The following NTN4 variants were observed in gnomAD, a reference collection of about 807,000 sequenced individuals.
NTN4 encodes netrin-4.
NTN4 carries 32 observed loss-of-function variants against 73.6 expected under a neutral mutation model. The observed-to-expected ratio is 0.44, with a 90% CI of 0.33 to 0.58. The LOEUF (loss-of-function observed/expected upper bound fraction) is 0.58, where lower values mean the gene tolerates loss of function less well. Ranked by LOEUF, NTN4 falls within the 20% of genes least tolerant of loss-of-function variation. The pLI is 0.04. For missense variants in NTN4, 654 were observed against 798.3 expected (o/e 0.82, Z 2.18); for synonymous variants, 258 against 287.5 (o/e 0.90, Z 1.04).
intron 3 of NTN4, among the ~76,000 whole-genome samples, chr12:95,730,727 G>C (rs2078731252): frequency 6.6e-6 from 1 of 152,172 alleles, no homozygotes. Context: ...AGTGCTAAGG[G>C]ACTACCAGCA....
intron 2 of NTN4, among the ~76,000 whole-genome samples, chr12:95,748,507 T>C (rs2078879332): frequency 6.9e-6 from 1 of 143,962 alleles, no homozygotes; most frequent in Non-Finnish European, 1.5e-5. Flanking sequence ...AGATGGAGTC[T>C]CGCTCTGTTG....
chr12:95,745,307 C>T (rs1430336361), intron 2 of NTN4, among the ~76,000 whole-genome samples: 1 of 152,116 alleles, frequency 6.6e-6, no homozygotes, highest in Non-Finnish European at 1.5e-5. Context: ...CTGAAGCTGT[C>T]CCAGAGCTCA....
chr12:95,766,334 G>C (rs10859937), intron 2 of NTN4, among the ~76,000 whole-genome samples: 83,778 of 151,904 alleles, frequency 0.55, 23,309 homozygotes, highest in Middle Eastern at 0.61. Context: ...AATCTATATT[G>C]ACAGTTAAAT....
At chr12:95,739,918 CA>C (rs1379245803) in intron 2 of NTN4, 1 of 152,294 alleles carries the variant, frequency 6.6e-6, no homozygotes, top group African/African-American at 2.4e-5. Context: ...TCCGCACAGG[CA>C]AAGCCAGAGG....
chr12:95,700,534 G>A (rs2078476784), intron 5 of NTN4, among the ~76,000 whole-genome samples: 1 of 152,144 alleles, frequency 6.6e-6, no homozygotes, highest in African/African-American at 2.4e-5. Context: ...GGTGAGAGAA[G>A]TGGGGCTGTG....
At chr12:95,670,619 C>G (rs1312213936) in intron 7 of NTN4, 1 of 152,476 alleles carries the variant, frequency 6.6e-6, no homozygotes, top group East Asian at 1.9e-4. Flanking sequence ...GTATGCAAGG[C>G]ATGGTGCTTC....
intron 9 of NTN4, 105 bp from the exon 10 acceptor site, chr12:95,659,327 GCT>G (rs2078118042): frequency 3.6e-6 from 3 of 837,508 alleles, no homozygotes; most frequent in Admixed American, 2.7e-5. Flanking sequence ...ACAAGGTCTT[GCT>G]CTGTTACCCA....
intron 5 of NTN4, among the ~76,000 whole-genome samples, chr12:95,705,670 T>C (rs916890668): frequency 6.6e-6 from 1 of 152,216 alleles, no homozygotes; most frequent in Non-Finnish European, 1.5e-5. Context: ...TCTTGCTGAC[T>C]GCCCCTCTGA....
intron 1 of NTN4, among the ~76,000 whole-genome samples, chr12:95,788,459 C>T (rs545302397): frequency 3.3e-5 from 5 of 152,088 alleles, no homozygotes; most frequent in South Asian, 2.1e-4. Context: ...CTTTGATTTG[C>T]GTTTGTCATT....
At chr12:95,709,049 G>C (rs892255849) in intron 5 of NTN4, among the ~76,000 whole-genome samples, 5 of 152,126 alleles carry the variant, frequency 3.3e-5, no homozygotes, top group Admixed American at 1.3e-4. Context: ...TATTTTATCT[G>C]CCATTATTTA....
At chr12:95,790,927 C>CGGGG (rs1565922837), upstream of NTN4, among the ~76,000 whole-genome samples, 1 of 84,430 alleles carries the variant, frequency 1.2e-5, no homozygotes. The surrounding 1 kb of genome is among the most constrained non-coding windows in gnomAD (Gnocchi z 6.5). Flanking sequence ...CCGCTGCCGC[C>CGGGG]CGGGGGGGGG....
chr12:95,737,872 G>C lies in NTN4; in HGVS notation c.858C>G (p.Phe286Leu), dbSNP rs113301801. The C allele has an allele frequency of 4.4e-6, 7 of 1,607,500 alleles. No individual in the cohort carries two copies. Among genetic ancestry groups the C allele is most frequent in the African/African-American group, 2.7e-5 (2 of 74,870 alleles). The change falls in exon 3 of 10, where the codon TTC becomes TTG. Residue 286 changes from phenylalanine (F) to leucine (L), a missense_variant. By Grantham distance (22) the Phe-to-Leu change is conservative. Coordinates refer to ENST00000343702, the MANE Select transcript of NTN4 (RefSeq NM_021229.4). Reference sequence around the variant, plus strand: ...GAGGACTTGTTTCACCTACCATGTGGAATGTTCCTGGGGCCTTGACAGGTC... The same window carrying C: ...GAGGACTTGTTTCACCTACCATGTGCAATGTTCCTGGGGCCTTGACAGGTC... ...GFRPVKAPGT[F>L]HMVHGKCMCK...
chr12:95,745,051 AT>A (rs900276562), intron 2 of NTN4, among the ~76,000 whole-genome samples: 6 of 151,690 alleles, frequency 4.0e-5, no homozygotes, highest in African/African-American at 9.7e-5. Flanking sequence ...GTAATGTGCC[AT>A]TTTTTTCTCT....
intron 3 of NTN4, among the ~76,000 whole-genome samples, chr12:95,726,546 G>A (rs1266647515): frequency 6.6e-6 from 1 of 151,982 alleles, no homozygotes; most frequent in Non-Finnish European, 1.5e-5. Context: ...TCCACTTTTT[G>A]GCTACTATGA....
At chr12:95,681,885 G>C (rs533461075) in intron 7 of NTN4, among the ~76,000 whole-genome samples, 1 of 151,958 alleles carries the variant, frequency 6.6e-6, no homozygotes, top group African/African-American at 2.4e-5. Flanking sequence ...TTCATTATTT[G>C]GCTTATATTT....
intron 3 of NTN4, among the ~76,000 whole-genome samples, chr12:95,733,302 C>T (rs1044854785): frequency 6.6e-6 from 1 of 152,214 alleles, no homozygotes; most frequent in Non-Finnish European, 1.5e-5. Flanking sequence ...TCCGGGATTC[C>T]AGCAGGCTGG....
At chr12:95,681,674 A>C (rs1319050639) in intron 7 of NTN4, among the ~76,000 whole-genome samples, 2 of 152,210 alleles carry the variant, frequency 1.3e-5, no homozygotes, top group East Asian at 3.8e-4. Flanking sequence ...ATGAACACAG[A>C]AGCTGAGGAT....
intron 7 of NTN4, among the ~76,000 whole-genome samples, chr12:95,676,171 T>G (rs1431508502): frequency 6.6e-6 from 1 of 152,200 alleles, no homozygotes; most frequent in East Asian, 1.9e-4. Flanking sequence ...TAGCCTGATC[T>G]CACTTTACTG....
intron 2 of NTN4, among the ~76,000 whole-genome samples, chr12:95,782,047 A>G (rs561034719): frequency 2.0e-5 from 3 of 152,322 alleles, no homozygotes; most frequent in Admixed American, 1.3e-4. Flanking sequence ...TTCCCATACC[A>G]TAACTAATCT....
Sources: allele counts gnomAD v4.1 joint callset (sites outside exome capture counted in the v4.1 genomes callset), GRCh38; gene constraint gnomAD v4.1.1; non-coding constraint Gnocchi (gnomAD v3.1); transcripts MANE v1.5; gene names NCBI Gene and HGNC (gene_info 2026-07-23, HGNC 2026-07-21).